Variants in MLLT3 observed in about 807,000 individuals in gnomAD.
The protein encoded by MLLT3 is protein AF-9.
Under a neutral mutation model 53.2 loss-of-function variants are expected in MLLT3, and 4 were observed. That is an observed-to-expected ratio of 0.08 (90% CI 0.04 to 0.17). MLLT3 has a LOEUF of 0.17. MLLT3 is among the 10% of genes least tolerant of loss of function. MLLT3 has a pLI of 1.00. For missense variants in MLLT3, 569 were observed against 684.0 expected (o/e 0.83, Z 1.87); for synonymous variants, 283 against 230.6 (o/e 1.23, Z -2.06).
At chr9:20,598,886 T>G (rs1820342438) in intron 2 of MLLT3, among the ~76,000 whole-genome samples, 1 of 152,204 alleles carries the variant, frequency 6.6e-6, no homozygotes, top group African/African-American at 2.4e-5. Flanking sequence ...CAAACCCTAT[T>G]CTGCTGCTTT....
At chr9:20,482,860 G>C (rs1193356406) in intron 2 of MLLT3, among the ~76,000 whole-genome samples, 1 of 152,134 alleles carries the variant, frequency 6.6e-6, no homozygotes, top group Non-Finnish European at 1.5e-5. Context: ...TATACCTGTT[G>C]TTTCTTACAT....
At chr9:20,591,764 G>T (rs1441578601) in intron 2 of MLLT3, among the ~76,000 whole-genome samples, 1 of 152,174 alleles carries the variant, frequency 6.6e-6, no homozygotes, top group Non-Finnish European at 1.5e-5. Flanking sequence ...TCAAAAAAAA[G>T]TTTTTGTGAC....
At chr9:20,450,881 A>C (rs1823823795) in intron 3 of MLLT3, among the ~76,000 whole-genome samples, 1 of 152,240 alleles carries the variant, frequency 6.6e-6, no homozygotes, top group Admixed American at 6.5e-5. Context: ...AACTGGGAGC[A>C]TAAACTGGTA....
chr9:20,346,171 G>T lies in MLLT3; in HGVS notation c.*272C>A. ...TTGTGTTTGATTTGTTTGTTTTCAAGGCTATCCAGGCTAACTCTTCCCGGG... is the reference window on the plus strand; with the variant it reads ...TTGTGTTTGATTTGTTTGTTTTCAATGCTATCCAGGCTAACTCTTCCCGGG... On this transcript the variant is annotated 3_prime_UTR_variant, in exon 11 of 11. Coordinates refer to ENST00000380338, the MANE Select transcript of MLLT3 (RefSeq NM_004529.4). 2.8e-6 allele frequency: 1 copy of T among 353,364 alleles called. No homozygotes were observed. 21.9% of individuals were successfully genotyped at this position (353,364 alleles called of 1,614,324 possible). A position where few individuals can be genotyped will look rare whatever the true frequency, so the allele number is the denominator to read the frequency against.
chr9:20,470,307 T>G (rs1298878594), intron 2 of MLLT3, among the ~76,000 whole-genome samples: 1 of 152,004 alleles, frequency 6.6e-6, no homozygotes, highest in Admixed American at 6.6e-5. Context: ...GGCATTATAA[T>G]CCCATCTTGA....
intron 4 of MLLT3, among the ~76,000 whole-genome samples, chr9:20,433,216 A>G (rs552728942): frequency 2.0e-5 from 3 of 152,306 alleles, no homozygotes; most frequent in Non-Finnish European, 4.4e-5. Context: ...GACAAGAAGT[A>G]CAAAATGAAC....
intron 2 of MLLT3, among the ~76,000 whole-genome samples, chr9:20,490,803 T>C (rs1286929111): frequency 1.3e-5 from 2 of 152,192 alleles, no homozygotes; most frequent in African/African-American, 4.8e-5. Context: ...CCCTGAAAAG[T>C]TATCATCCTC....
rs2131219567 is a variant in MLLT3, at chr9:20,621,301, T to C, written c.13-467A>G. ...CGGCGACAGGCACACGCCGAGGAAG[T>C]CTTTGTGTACGTGTGTGTGCGTGCG... On this transcript the variant is annotated intron_variant, in intron 1 of 10. Transcript: ENST00000380338. The surrounding 1 kb of genome is among the most constrained non-coding windows in gnomAD (Gnocchi z 7.0). Among the ~76,000 whole-genome samples the C allele has an allele frequency of 6.6e-6, 1 of 152,036 alleles. No homozygotes were observed.
chr9:20,460,491 C>T (rs551881252), intron 2 of MLLT3, among the ~76,000 whole-genome samples: 2 of 152,286 alleles, frequency 1.3e-5, no homozygotes, highest in African/African-American at 4.8e-5. Flanking sequence ...AATATCCAGC[C>T]CAGATGTTAG....
intron 2 of MLLT3, among the ~76,000 whole-genome samples, chr9:20,462,551 C>T (rs1824136871): frequency 6.6e-6 from 1 of 152,100 alleles, no homozygotes; most frequent in African/African-American, 2.4e-5. Flanking sequence ...CACCTGTCCA[C>T]CTCCTCTGGA....
At chr9:20,473,594 A>G (rs1468437313) in intron 2 of MLLT3, among the ~76,000 whole-genome samples, 2 of 152,098 alleles carry the variant, frequency 1.3e-5, no homozygotes, top group African/African-American at 4.8e-5. Flanking sequence ...GTTGCTTTTC[A>G]TTGGTTGGTA....
intron 5 of MLLT3, among the ~76,000 whole-genome samples, chr9:20,376,672 C>T (rs1260366616): frequency 6.6e-6 from 1 of 152,168 alleles, no homozygotes; most frequent in Admixed American, 6.5e-5. Context: ...CCCTTTTCCA[C>T]ACTTAGGGAT....
chr9:20,620,100 G>C lies in MLLT3; in HGVS notation c.193+554C>G, dbSNP rs529746797. Among the ~76,000 whole-genome samples the C allele has an allele frequency of 5.3e-5, 8 of 152,040 alleles. No individual in the cohort carries two copies. Among genetic ancestry groups the C allele is most frequent in the South Asian group, 2.1e-4 (1 of 4,818 alleles). On this transcript the variant is annotated intron_variant, in intron 2 of 10. Coordinates refer to ENST00000380338, the MANE Select transcript of MLLT3 (RefSeq NM_004529.4). This position sits in a 1 kb window ranked among gnomAD's most constrained non-coding sequence, Gnocchi z 6.1. ...TGTGGCGGTGGCTAAGCCACAAAAA[G>C]AAAAGTCTATGGCAACTGGCACCTG...
Position 20,360,736 on chromosome 9 carries a change from A to G in MLLT3, c.1431+6T>C. ...AGTCTTGCAAAGTGCAAACCCCACA[A>G]TTTACCTGGTTGTTGTTGGTTTTTA... On this transcript the variant is annotated splice_donor_region_variant and intron_variant, in intron 8 of 10. Coordinates refer to ENST00000380338, the MANE Select transcript of MLLT3 (RefSeq NM_004529.4). 1 of 1,612,406 alleles carries G rather than the reference A, an allele frequency of 6.2e-7. No homozygotes were observed. The highest frequency in any genetic ancestry group is 8.5e-7 in the Non-Finnish European group (1 of 1,178,438).
chr9:20,559,798 T>C (rs940895928), intron 2 of MLLT3, among the ~76,000 whole-genome samples: 1 of 152,208 alleles, frequency 6.6e-6, no homozygotes, highest in Admixed American at 6.5e-5. Context: ...CACTCCTGAA[T>C]GTTCAATATG....
At chr9:20,528,705 A>C (rs1232201289) in intron 2 of MLLT3, among the ~76,000 whole-genome samples, 3 of 152,196 alleles carry the variant, frequency 2.0e-5, no homozygotes, top group Non-Finnish European at 4.4e-5. Context: ...TCACTAGGAT[A>C]CTTAAGATGA....
chr9:20,383,605 A>C (rs1821957858), intron 5 of MLLT3, among the ~76,000 whole-genome samples: 1 of 151,936 alleles, frequency 6.6e-6, no homozygotes, highest in African/African-American at 2.4e-5. Context: ...ACACTGAATA[A>C]ATGATGACTA....
intron 2 of MLLT3, among the ~76,000 whole-genome samples, chr9:20,516,859 T>C (rs558596565): frequency 6.6e-6 from 1 of 152,342 alleles, no homozygotes; most frequent in East Asian, 1.9e-4. Flanking sequence ...GATGAGATAA[T>C]TTAAAATGTA....
At chr9:20,554,363 T>A (rs1819002409) in intron 2 of MLLT3, among the ~76,000 whole-genome samples, 1 of 152,208 alleles carries the variant, frequency 6.6e-6, no homozygotes, top group Non-Finnish European at 1.5e-5. Context: ...GTTACAAGTT[T>A]GGCTACTCAG....
Sources: gnomAD v4.1 joint callset for allele counts (sites outside exome capture counted in the v4.1 genomes callset) on GRCh38, gnomAD v4.1.1 for gene constraint, Gnocchi (gnomAD v3.1) non-coding constraint, MANE v1.5 for transcripts, NCBI Gene and HGNC (gene_info 2026-07-23, HGNC 2026-07-21) for gene names.